RSRC1: variants seen among roughly 807,000 people sequenced by gnomAD.
The protein encoded by RSRC1 is serine/Arginine-related protein 53.
In RSRC1, 39 loss-of-function variants were observed where a neutral mutation model predicts 49.1. The observed-to-expected ratio is 0.79, with a 90% confidence interval of 0.61 to 1.04. RSRC1 has a LOEUF of 1.04. RSRC1 is among the 50% of genes least tolerant of loss of function. RSRC1 has a pLI of 0.00. For missense variants in RSRC1, 388 were observed against 402.4 expected (o/e 0.96, Z 0.31); for synonymous variants, 143 against 130.8 (o/e 1.09, Z -0.63).
chr3:158,499,818 A>T (rs1739511826), intron 7 of RSRC1, among the ~76,000 whole-genome samples: 1 of 152,162 alleles, frequency 6.6e-6, no homozygotes, highest in Non-Finnish European at 1.5e-5. Context: ...AAACGGTGAC[A>T]GTTTGACTCC....
intron 6 of RSRC1, among the ~76,000 whole-genome samples, chr3:158,411,620 C>T (rs546889480): frequency 6.6e-6 from 1 of 152,046 alleles, no homozygotes; most frequent in African/African-American, 2.4e-5. Flanking sequence ...TAAGCTCAAG[C>T]AATCCTCCTA....
intron 6 of RSRC1, among the ~76,000 whole-genome samples, chr3:158,408,077 G>A (rs897019957): frequency 6.6e-6 from 1 of 152,028 alleles, no homozygotes; most frequent in African/African-American, 2.4e-5. Flanking sequence ...GAGAGGTTGG[G>A]GTTGGTCAGG....
At chr3:158,481,136 A>G (rs1022818055) in intron 7 of RSRC1, among the ~76,000 whole-genome samples, 1 of 151,836 alleles carries the variant, frequency 6.6e-6, no homozygotes, top group Admixed American at 6.6e-5. Context: ...AGTGTCGTTT[A>G]TATTGTCATG....
intron 4 of RSRC1, among the ~76,000 whole-genome samples, chr3:158,240,785 A>C (rs746357246): frequency 6.6e-6 from 1 of 152,272 alleles, no homozygotes; most frequent in Non-Finnish European, 1.5e-5. Flanking sequence ...TCTCACTTTC[A>C]TTCTCTGTGA....
chr3:158,207,205 GT>G (rs1193239959), intron 4 of RSRC1, among the ~76,000 whole-genome samples: 1 of 152,094 alleles, frequency 6.6e-6, no homozygotes, highest in African/African-American at 2.4e-5. Flanking sequence ...TTGAGATCAA[GT>G]GATATACTGT....
intron 6 of RSRC1, among the ~76,000 whole-genome samples, chr3:158,439,730 G>A (rs943750879): frequency 5.3e-5 from 8 of 152,088 alleles, no homozygotes; most frequent in African/African-American, 1.9e-4. Flanking sequence ...GAGTTGATGG[G>A]TGCAGCAAAC....
chr3:158,299,208 T>C (rs1730007), intron 5 of RSRC1, among the ~76,000 whole-genome samples: 72,391 of 151,998 alleles, frequency 0.48, 17,799 homozygotes, highest in East Asian at 0.64. Context: ...GACATATGGA[T>C]ATCAGAATAA....
At chr3:158,300,956 A>G (rs1346142723) in intron 5 of RSRC1, among the ~76,000 whole-genome samples, 1 of 152,168 alleles carries the variant, frequency 6.6e-6, no homozygotes, top group Admixed American at 6.5e-5. Context: ...GGGGAAAGCA[A>G]GTGTGGATCT....
chr3:158,184,377 T>G (rs560754507), intron 3 of RSRC1, among the ~76,000 whole-genome samples: 1 of 152,130 alleles, frequency 6.6e-6, no homozygotes, highest in Non-Finnish European at 1.5e-5. Context: ...TTTTCTTTCC[T>G]CTTGTCCCTG....
chr3:158,496,051 CT>C (rs1193646241), intron 7 of RSRC1, among the ~76,000 whole-genome samples: 5 of 152,092 alleles, frequency 3.3e-5, no homozygotes, highest in Non-Finnish European at 7.4e-5. Context: ...GGAATGATCT[CT>C]TCTTTTGTGG....
chr3:158,188,169 T>C (rs1720033472), intron 3 of RSRC1, among the ~76,000 whole-genome samples: 2 of 151,904 alleles, frequency 1.3e-5, no homozygotes. Flanking sequence ...GTCTCCACTC[T>C]GGCTAGTGGG....
At chr3:158,176,121 A>G (rs1281039618) in intron 3 of RSRC1, among the ~76,000 whole-genome samples, 2 of 152,174 alleles carry the variant, frequency 1.3e-5, no homozygotes, top group Admixed American at 1.3e-4. Context: ...TTCAAGGAGA[A>G]CTACAAACCA....
chr3:158,324,997 G>T lies in RSRC1; in HGVS notation c.531+26922G>T, dbSNP rs201801026. ...CTGATGGCCAGTGATGATGAGCATT[G>T]TTTCATGTGTCTGTTGGCTGCATAA... On this transcript the variant is annotated intron_variant, in intron 5 of 9. Transcript: ENST00000611884. 2.0e-4 allele frequency among the ~76,000 whole-genome samples: 30 copies of T among 152,244 alleles called. 1 individual carries two copies. The East Asian group carries it at 3.7e-3, about 19-fold the overall frequency.
intron 4 of RSRC1, among the ~76,000 whole-genome samples, chr3:158,295,083 T>C (rs1420740935): frequency 6.6e-6 from 1 of 152,114 alleles, no homozygotes; most frequent in African/African-American, 2.4e-5. Context: ...CTGTGATCAG[T>C]TCTGTGATGG....
At chr3:158,303,275 A>G (rs56019559) in intron 5 of RSRC1, 18,385 of 152,236 alleles carry the variant, frequency 0.12, 1,381 homozygotes, top group Middle Eastern at 0.2. Flanking sequence ...TTAGGTCAAA[A>G]TAGTTTTGTG....
chr3:158,170,307 C>CTTT (rs11400606), intron 3 of RSRC1, among the ~76,000 whole-genome samples: 5 of 143,178 alleles, frequency 3.5e-5, no homozygotes, highest in African/African-American at 1.3e-4. Flanking sequence ...TCTGGTCTGC[C>CTTT]TTTTTTTTTT....
intron 3 of RSRC1, among the ~76,000 whole-genome samples, chr3:158,171,676 G>T (rs1446358977): frequency 6.6e-6 from 1 of 152,112 alleles, no homozygotes; most frequent in East Asian, 1.9e-4. Flanking sequence ...ATGGCCTGGT[G>T]TGGTGGCTCA....
chr3:158,193,699 G>C (rs1049507785), intron 3 of RSRC1, among the ~76,000 whole-genome samples: 2 of 151,954 alleles, frequency 1.3e-5, no homozygotes, highest in Non-Finnish European at 2.9e-5. Flanking sequence ...TTAGTAATCT[G>C]TTAAAATTTC....
intron 4 of RSRC1, among the ~76,000 whole-genome samples, chr3:158,226,203 A>G (rs1023667787): frequency 6.6e-6 from 1 of 151,932 alleles, no homozygotes; most frequent in Non-Finnish European, 1.5e-5. Flanking sequence ...TTAAAGAGTT[A>G]TTTCCTTCAA....
Sources: allele counts gnomAD v4.1 joint callset (sites outside exome capture counted in the v4.1 genomes callset), GRCh38; gene constraint gnomAD v4.1.1; transcripts MANE v1.5; gene names NCBI Gene and HGNC (gene_info 2026-07-23, HGNC 2026-07-21).